The following FGF12 variants were observed in gnomAD, a reference collection of about 807,000 sequenced individuals.
The protein encoded by FGF12 is fibroblast growth factor 12B.
A neutral mutation model predicts 23.6 loss-of-function variants in FGF12; 14 were observed. The observed-to-expected ratio is 0.59, with a 90% CI of 0.39 to 0.93. FGF12 has a LOEUF of 0.93. FGF12 is among the 40% of genes least tolerant of loss of function. The pLI is 0.00. For synonymous variants in FGF12, 62 were observed against 77.3 expected (o/e 0.80, Z 1.04); for missense variants, 175 against 217.8 (o/e 0.80, Z 1.24).
At chr3:192,385,175 T>C (rs957121005) in intron 2 of FGF12, among the ~76,000 whole-genome samples, 53 of 152,272 alleles carry the variant, frequency 3.5e-4, no homozygotes, top group African/African-American at 1.1e-3. Flanking sequence ...CTACGTGAAG[T>C]ACCAAGTATC....
intron 2 of FGF12, among the ~76,000 whole-genome samples, chr3:192,512,090 C>A (rs1426110290): frequency 6.6e-6 from 1 of 152,058 alleles, no homozygotes; most frequent in Non-Finnish European, 1.5e-5. Context: ...TTTCTGTGGA[C>A]CTCACCTCCC....
intron 4 of FGF12, 150 bp from the exon 5 acceptor site, chr3:192,170,806 A>C: frequency 1.4e-6 from 1 of 692,464 alleles, no homozygotes. Context: ...CTTTGGTTAC[A>C]AAGATTCATC....
intron 2 of FGF12, among the ~76,000 whole-genome samples, chr3:192,370,448 T>C (rs1321152373): frequency 6.6e-6 from 1 of 152,080 alleles, no homozygotes; most frequent in Non-Finnish European, 1.5e-5. Context: ...GAGGCTGAGG[T>C]GGGAGGATTG....
At chr3:192,268,179 C>T (rs774468430) in intron 4 of FGF12, among the ~76,000 whole-genome samples, 4 of 152,152 alleles carry the variant, frequency 2.6e-5, no homozygotes, top group Non-Finnish European at 4.4e-5. Context: ...GCATCATAGG[C>T]TAGAGGATTA....
chr3:192,687,971 G>T (rs539389750), intron 2 of FGF12, among the ~76,000 whole-genome samples: 2 of 151,944 alleles, frequency 1.3e-5, no homozygotes, highest in African/African-American at 2.4e-5. Context: ...CCACACACAT[G>T]CCTTCAGCCA....
intron 2 of FGF12, among the ~76,000 whole-genome samples, chr3:192,646,707 G>A (rs1441729802): frequency 6.6e-6 from 1 of 152,104 alleles, no homozygotes; most frequent in African/African-American, 2.4e-5. Context: ...AGGTGCTAGG[G>A]AGAGGGGAAA....
intron 2 of FGF12, among the ~76,000 whole-genome samples, chr3:192,660,131 C>T (rs1486049259): frequency 3.3e-5 from 5 of 151,400 alleles, no homozygotes; most frequent in African/African-American, 1.2e-4. Flanking sequence ...CAATGATAGA[C>T]TGGATTAAGA....
intron 2 of FGF12, among the ~76,000 whole-genome samples, chr3:192,555,702 G>A (rs1711739918): frequency 6.6e-6 from 1 of 151,446 alleles, no homozygotes; most frequent in Non-Finnish European, 1.5e-5. Flanking sequence ...GGAGGCTGAG[G>A]TGGGGGAATT....
chr3:192,442,089 G>A (rs112688503), intron 2 of FGF12, among the ~76,000 whole-genome samples: 32 of 152,286 alleles, frequency 2.1e-4, no homozygotes, highest in African/African-American at 6.5e-4. Flanking sequence ...CCCACAGGAC[G>A]ACCAACTAGA....
intron 2 of FGF12, among the ~76,000 whole-genome samples, chr3:192,469,428 A>G (rs1723107145): frequency 6.6e-6 from 1 of 152,150 alleles, no homozygotes; most frequent in African/African-American, 2.4e-5. Flanking sequence ...CCAATCAAAT[A>G]CCAGAGGGCT....
chr3:192,225,221 A>G (rs1718672126), intron 4 of FGF12, among the ~76,000 whole-genome samples: 1 of 152,072 alleles, frequency 6.6e-6, no homozygotes, highest in African/African-American at 2.4e-5. Flanking sequence ...TGACCCTTCA[A>G]TCTCAAAACC....
At chr3:192,331,387 C>T (rs1192497182) in intron 4 of FGF12, among the ~76,000 whole-genome samples, 2 of 151,000 alleles carry the variant, frequency 1.3e-5, no homozygotes, top group East Asian at 1.9e-4. Context: ...CATTTGTACG[C>T]TCATGTTCAT....
At chr3:192,289,306 C>T (rs1560053750) in intron 4 of FGF12, among the ~76,000 whole-genome samples, 1 of 152,052 alleles carries the variant, frequency 6.6e-6, no homozygotes, top group Non-Finnish European at 1.5e-5. Context: ...TGAATGAGTC[C>T]ATCAGTGCCT....
chr3:192,247,430 C>T (rs1711697568), intron 4 of FGF12, among the ~76,000 whole-genome samples: 1 of 152,114 alleles, frequency 6.6e-6, no homozygotes, highest in Admixed American at 6.5e-5. Context: ...TGCATGCAAT[C>T]AGATATGGCT....
At chr3:192,619,137 T>A (rs1219582656) in intron 2 of FGF12, among the ~76,000 whole-genome samples, 1 of 152,032 alleles carries the variant, frequency 6.6e-6, no homozygotes, top group Non-Finnish European at 1.5e-5. Flanking sequence ...CTGTTTTAAG[T>A]GGTTAGCATG....
intron 2 of FGF12, among the ~76,000 whole-genome samples, chr3:192,622,205 G>A (rs1347911471): frequency 6.6e-6 from 1 of 152,182 alleles, no homozygotes; most frequent in Admixed American, 6.5e-5. Flanking sequence ...TAGCAACTGA[G>A]AGACAGGAAG....
chr3:192,283,346 C>T (rs1403501366), intron 4 of FGF12, among the ~76,000 whole-genome samples: 1 of 151,938 alleles, frequency 6.6e-6, no homozygotes, highest in African/African-American at 2.4e-5. Flanking sequence ...TGTTTTCTTT[C>T]CAAACAAAAA....
chr3:192,495,888 C>G (rs1723941240), intron 2 of FGF12, among the ~76,000 whole-genome samples: 1 of 152,112 alleles, frequency 6.6e-6, no homozygotes, highest in African/African-American at 2.4e-5. Context: ...ATCTCGAACT[C>G]CTGGGCTCCA....
chr3:192,400,308 T>C (rs1720703640), intron 2 of FGF12, among the ~76,000 whole-genome samples: 1 of 151,938 alleles, frequency 6.6e-6, no homozygotes, highest in Admixed American at 6.6e-5. Context: ...CTTATATATA[T>C]GGGTATTGTA....
Sources: gnomAD v4.1 joint callset for allele counts (sites outside exome capture counted in the v4.1 genomes callset) on GRCh38, gnomAD v4.1.1 for gene constraint, MANE v1.5 for transcripts, NCBI Gene and HGNC (gene_info 2026-07-23, HGNC 2026-07-21) for gene names.